SRP19: variants seen among roughly 807,000 people sequenced by gnomAD.
SRP19 encodes the protein signal recognition particle 19, also known as signal recognition particle 19 kDa protein.
SRP19 carries 11 observed loss-of-function variants against 22.4 expected under a neutral mutation model. That is an observed-to-expected ratio of 0.49 (90% CI 0.31 to 0.81). SRP19 has a LOEUF of 0.81. SRP19 is among the 40% of genes least tolerant of loss of function. The probability of loss-of-function intolerance (pLI) is 0.05; values close to 1 mark genes in which losing one functional copy is unlikely to be tolerated. For missense variants in SRP19, 168 were observed against 175.9 expected, an observed-to-expected ratio of 0.96 and a Z score of 0.25; for synonymous variants, 61 against 57.6, an observed-to-expected ratio of 1.06 and a Z score of -0.27.
At chr5:112,879,685 C>G (rs926848203) in intron 4 of SRP19, among the ~76,000 whole-genome samples, 1 of 151,998 alleles carries the variant, frequency 6.6e-6, no homozygotes, top group Admixed American at 6.6e-5. Flanking sequence ...ACTGTGTTAG[C>G]CAGGATGGTC....
At chr5:112,877,723 C>T (rs1178033505) in intron 4 of SRP19, 3 of 152,142 alleles carry the variant, frequency 2.0e-5, no homozygotes, top group Non-Finnish European at 4.4e-5. Context: ...AGCTAGGTGT[C>T]GTCATTAGCA....
intron 4 of SRP19, chr5:112,885,749 T>G (rs921791152): frequency 3.6e-6 from 1 of 278,022 alleles, no homozygotes; most frequent in Non-Finnish European, 7.5e-6. Context: ...AATGAACTAA[T>G]TAATTTTGAC....
At chr5:112,864,075 G>C (rs989529048) in intron 2 of SRP19, among the ~76,000 whole-genome samples, 3 of 152,352 alleles carry the variant, frequency 2.0e-5, no homozygotes, top group African/African-American at 7.2e-5. Flanking sequence ...GGGCCATAGA[G>C]AATGCATATA....
chr5:112,893,093 T>TA, downstream of SRP19: 1 of 700,000 alleles, frequency 1.4e-6, no homozygotes, highest in East Asian at 3.9e-5. Flanking sequence ...AGTTTTGTTC[T>TA]TAAAAAAAAA....
chr5:112,871,589 TC>T (rs1767761697), downstream of SRP19, among the ~76,000 whole-genome samples: 1 of 152,002 alleles, frequency 6.6e-6, no homozygotes, highest in Non-Finnish European at 1.5e-5. Flanking sequence ...AAACCCTATC[TC>T]TACTAAAAAT....
intron 4 of SRP19, chr5:112,864,977 C>T (rs182994585): frequency 3.2e-6 from 1 of 316,504 alleles, no homozygotes; most frequent in Non-Finnish European, 5.8e-6. Flanking sequence ...ATTTTATAAA[C>T]CTCTGGAAGT....
rs1487060569 is a variant in SRP19, at chr5:112,868,090, T to C, written c.*553T>C. 1.6e-5 allele frequency: 16 copies of C among 985,300 alleles called. No individual in the cohort carries two copies. The highest frequency in any genetic ancestry group is 1.8e-5 in the Non-Finnish European group (15 of 829,914). 61.0% of individuals were successfully genotyped at this position (985,300 alleles called of 1,614,324 possible). The stretch of plus-strand genomic sequence containing the variant: ...CTGTAGATGATATTTTAATATATTA[T>C]TGTAATCGAATCGTTCAGTTGTTTT... On this transcript the variant is annotated 3_prime_UTR_variant, in exon 5 of 5. Coordinates refer to ENST00000505459, the MANE Select transcript of SRP19 (RefSeq NM_003135.3).
intron 1 of SRP19, 170 bp from the exon 2 acceptor site, chr5:112,862,338 C>T (rs1767432854): frequency 1.5e-6 from 1 of 682,786 alleles, no homozygotes; most frequent in Non-Finnish European, 2.6e-6. Context: ...GGGGACCACT[C>T]CGAGGTACTT....
chr5:112,892,919 G>A (rs1197909405), exon 5 of SRP19: 1 of 1,606,794 alleles, frequency 6.2e-7, no homozygotes, highest in Non-Finnish European at 8.5e-7. Context: ...AATTCACCAA[G>A]CAGAGGAAGA....
At chr5:112,892,650 C>T (rs1170555713) in exon 5 of SRP19, 1 of 1,613,898 alleles carries the variant, frequency 6.2e-7, no homozygotes, top group East Asian at 2.2e-5. Flanking sequence ...TTCATGTGTT[C>T]AGAAATCCCA....
At chr5:112,879,537 G>A (rs767768979) in intron 4 of SRP19, among the ~76,000 whole-genome samples, 5 of 152,098 alleles carry the variant, frequency 3.3e-5, no homozygotes, top group Non-Finnish European at 7.4e-5. Context: ...GCAGTGGCGC[G>A]ATCTCGGCTC....
In SRP19 at chr5:112,862,272, A is replaced by T; in HGVS notation, c.42-236A>T. The T allele has an allele frequency of 5.3e-6, 3 of 568,734 alleles. No homozygotes were observed. In the East Asian group the frequency reaches 9.2e-5, roughly 17 times the overall value. The allele number at this position is 568,734 out of a possible 1,614,324, so 35.2% of individuals were successfully genotyped here. ...CTGTGCCAGTCTGATTGGTTGAGGG[A>T]GGGGGATCAATCAGAAAGAGGAGTA... On this transcript the variant is annotated intron_variant, in intron 1 of 4. Transcript: ENST00000505459.
At chr5:112,884,312 C>G (rs61431998) in intron 4 of SRP19, among the ~76,000 whole-genome samples, 1 of 152,122 alleles carries the variant, frequency 6.6e-6, no homozygotes, top group Non-Finnish European at 1.5e-5. Context: ...TTTTGTTGCT[C>G]CCACCTCCGG....
chr5:112,867,062 C>G (rs889000353), intron 4 of SRP19, among the ~76,000 whole-genome samples: 1 of 152,120 alleles, frequency 6.6e-6, no homozygotes, highest in African/African-American at 2.4e-5. Flanking sequence ...TCTTAAGATA[C>G]AGTGATATTC....
At chr5:112,873,876 G>A (rs141543569), downstream of SRP19, among the ~76,000 whole-genome samples, 2 of 151,972 alleles carry the variant, frequency 1.3e-5, no homozygotes, top group Admixed American at 6.6e-5. Context: ...TATAAGTTGA[G>A]ATCTGGCCTG....
At position 112,861,363 on chromosome 5, in the gene SRP19, A is replaced by C. The variant is rs375667799; in HGVS notation, c.-14A>C. 28 of 1,614,018 alleles carry C rather than the reference A, an allele frequency of 1.7e-5. No homozygotes were observed. Among genetic ancestry groups the C allele is most frequent in the Non-Finnish European group, 2.4e-5 (28 of 1,180,026 alleles). On this transcript the variant is annotated 5_prime_UTR_variant, in exon 1 of 5. Coordinates refer to ENST00000505459, the MANE Select transcript of SRP19 (RefSeq NM_003135.3). ...TCTCCCTGCGGCTCCTGGGTTGTTGAGACTCTTGTGAAGATGGCTTGCGCT... is the reference window on the plus strand; with the variant it reads ...TCTCCCTGCGGCTCCTGGGTTGTTGCGACTCTTGTGAAGATGGCTTGCGCT...
chr5:112,881,128 C>CAAAAAAAAA (rs58737941), intron 4 of SRP19, among the ~76,000 whole-genome samples: 6 of 67,202 alleles, frequency 8.9e-5, no homozygotes, highest in Non-Finnish European at 1.3e-4. Context: ...GACTCTGTTT[C>CAAAAAAAAA]AAAAAAAAAA....
chr5:112,862,660 G>T, intron 2 of SRP19, 77 bp downstream of exon 2: 1 of 1,267,984 alleles, frequency 7.9e-7, no homozygotes, highest in East Asian at 2.4e-5. Context: ...AATCTTGTTA[G>T]AGCCGCAGGG....
At chr5:112,874,396 G>T (rs78306072), downstream of SRP19, among the ~76,000 whole-genome samples, 5,300 of 152,130 alleles carry the variant, frequency 0.035, 224 homozygotes, top group East Asian at 0.16. Context: ...TCTACCAGTG[G>T]GTCTCAACCC....
Sources: allele counts gnomAD v4.1 joint callset (sites outside exome capture counted in the v4.1 genomes callset), GRCh38; gene constraint gnomAD v4.1.1; transcripts MANE v1.5; gene names NCBI Gene and HGNC (gene_info 2026-07-23, HGNC 2026-07-21).